Variants in TBXAS1 observed in about 807,000 individuals in gnomAD.
TBXAS1 encodes the protein thromboxane-A synthase.
A neutral mutation model predicts 60.7 loss-of-function variants in TBXAS1; 48 were observed. That is an observed-to-expected ratio of 0.79 (90% confidence interval 0.63 to 1.01). The LOEUF is 1.01. Ranked by LOEUF, TBXAS1 falls within the 50% of genes least tolerant of loss-of-function variation. The pLI is 0.00. For synonymous variants in TBXAS1, 287 were observed against 269.7 expected, an observed-to-expected ratio of 1.06 and a Z score of -0.63; for missense variants, 685 against 686.3, an observed-to-expected ratio of 1.00 and a Z score of 0.02.
In TBXAS1 at chr7:139,852,901, C is replaced by T. The variant is rs1393056419; in HGVS notation, c.90-19334C>T. On this transcript the variant is annotated intron_variant, in intron 1 of 12. Coordinates refer to ENST00000448866, the MANE Select transcript of TBXAS1 (RefSeq NM_001061.7). This position sits in a 1 kb window ranked among gnomAD's most constrained non-coding sequence, Gnocchi z 4.4. Reference sequence around the variant, plus strand: ...ATTCTGAGCACCCACTACCAGTACTCAATGCCCCTGTGTACCAACCTTGGC... The same window carrying T: ...ATTCTGAGCACCCACTACCAGTACTTAATGCCCCTGTGTACCAACCTTGGC... Among the ~76,000 whole-genome samples, 1 of 151,386 alleles carries T rather than the reference C, an allele frequency of 6.6e-6. No individual in the cohort carries two copies. The highest frequency in any genetic ancestry group is 1.5e-5 in the Non-Finnish European group (1 of 67,928).
At chr7:139,967,671 G>C (rs1323358695) in intron 9 of TBXAS1, among the ~76,000 whole-genome samples, 2 of 152,188 alleles carry the variant, frequency 1.3e-5, no homozygotes, top group African/African-American at 4.8e-5. Flanking sequence ...CTTGGAGTTG[G>C]TGTCTAGGTG....
chr7:139,804,440 A>G (rs1297706347), intron 4 of TBXAS1, among the ~76,000 whole-genome samples: 1 of 152,164 alleles, frequency 6.6e-6, no homozygotes, highest in African/African-American at 2.4e-5. Context: ...GATGAAACTT[A>G]GGACTTGGAC....
At chr7:139,820,239 A>G (rs899811165) in intron 4 of TBXAS1, among the ~76,000 whole-genome samples, 4 of 152,128 alleles carry the variant, frequency 2.6e-5, no homozygotes, top group Non-Finnish European at 5.9e-5. Flanking sequence ...ATCAACATGT[A>G]GCCGCATCCA....
chr7:139,881,691 C>T (rs1292784669), intron 3 of TBXAS1, among the ~76,000 whole-genome samples: 1 of 151,980 alleles, frequency 6.6e-6, no homozygotes, highest in African/African-American at 2.4e-5. Context: ...AGTATCAAAG[C>T]CTGAAGCAAT....
intron 5 of TBXAS1, among the ~76,000 whole-genome samples, chr7:139,939,868 G>A (rs1808139613): frequency 6.6e-6 from 1 of 152,200 alleles, no homozygotes; most frequent in Non-Finnish European, 1.5e-5. Flanking sequence ...GGTGTTAAAT[G>A]CTGCTCACAT....
upstream of TBXAS1, among the ~76,000 whole-genome samples, chr7:139,824,513 G>A (rs1443023232): frequency 1.3e-5 from 2 of 152,192 alleles, no homozygotes; most frequent in African/African-American, 2.4e-5. Flanking sequence ...GTTTAGCAGA[G>A]GATAGGCTAA....
intron 4 of TBXAS1, among the ~76,000 whole-genome samples, chr7:139,788,372 T>C (rs1389908740): frequency 2.0e-5 from 3 of 152,272 alleles, no homozygotes; most frequent in Non-Finnish European, 4.4e-5. Flanking sequence ...TTTTATGGTC[T>C]GATTCTTTCT....
chr7:139,930,143 C>T (rs1385317805), intron 4 of TBXAS1, among the ~76,000 whole-genome samples: 1 of 152,176 alleles, frequency 6.6e-6, no homozygotes, highest in Non-Finnish European at 1.5e-5. Flanking sequence ...CCCACCAAAC[C>T]CCCAGCTCCT....
At chr7:139,873,267 G>C (rs1408326636) in intron 2 of TBXAS1, among the ~76,000 whole-genome samples, 1 of 152,290 alleles carries the variant, frequency 6.6e-6, no homozygotes, top group East Asian at 1.9e-4. Context: ...AATGCAGTTG[G>C]GTGAGAGAAA....
intron 9 of TBXAS1, among the ~76,000 whole-genome samples, chr7:139,974,648 C>T (rs547581227): frequency 3.9e-5 from 6 of 152,238 alleles, no homozygotes; most frequent in South Asian, 2.1e-4. Flanking sequence ...CAAGATTAAA[C>T]GAGTTAAGAA....
intron 3 of TBXAS1, among the ~76,000 whole-genome samples, chr7:139,885,312 TA>T (rs1803004129): frequency 6.6e-6 from 1 of 152,220 alleles, no homozygotes; most frequent in East Asian, 1.9e-4. Context: ...TAAAGTTGCA[TA>T]AAAGCTCTAT....
intron 1 of TBXAS1, among the ~76,000 whole-genome samples, chr7:139,851,752 G>A (rs1370046825): frequency 1.3e-5 from 2 of 152,204 alleles, no homozygotes; most frequent in Non-Finnish European, 2.9e-5. Flanking sequence ...TTTGGAAAAG[G>A]ATGTAATTTC....
At chr7:139,991,363 T>A (rs900744419) in intron 9 of TBXAS1, among the ~76,000 whole-genome samples, 1 of 111,114 alleles carries the variant, frequency 9.0e-6, no homozygotes, top group East Asian at 2.5e-4. Context: ...GTGCCCACAC[T>A]TCCCTGTCAC....
chr7:139,830,605 C>T (rs1413687438), intron 1 of TBXAS1, among the ~76,000 whole-genome samples: 1 of 151,442 alleles, frequency 6.6e-6, no homozygotes, highest in Non-Finnish European at 1.5e-5. Context: ...CATGTAAAAC[C>T]AAGAGCAAAT....
At chr7:139,950,371 G>C (rs114270379) in intron 5 of TBXAS1, among the ~76,000 whole-genome samples, 2,537 of 152,144 alleles carry the variant, frequency 0.017, 61 homozygotes, top group African/African-American at 0.058. Flanking sequence ...TACATCTTTT[G>C]CTCCCCCACA....
At chr7:139,806,119 A>G (rs866382114) in intron 4 of TBXAS1, among the ~76,000 whole-genome samples, 18 of 150,652 alleles carry the variant, frequency 1.2e-4, no homozygotes, top group African/African-American at 3.4e-4. Context: ...TTGTATTTTT[A>G]GTAGAGACGG....
At chr7:139,962,307 CTT>C (rs1810437429) in intron 9 of TBXAS1, 74 bp downstream of exon 9, 1 of 1,559,790 alleles carries the variant, frequency 6.4e-7, no homozygotes, top group East Asian at 2.2e-5. Flanking sequence ...GGGAGTGAAA[CTT>C]ATTTTTAATG....
rs748137753 is a variant in TBXAS1 at position 139,984,614 on chromosome 7, A to AAGAGAGAGAG, written c.1134+22401_1134+22410dup. On this transcript the variant is annotated intron_variant, in intron 9 of 12. Transcript: ENST00000448866. Reference sequence around the variant, plus strand: ...ATCAAAAATAAAAAAATAAGAAAGAAAGAGAGAGAGAGAGAGAGAGAGAGA... The same window carrying AAGAGAGAGAG: ...ATCAAAAATAAAAAAATAAGAAAGAAAGAGAGAGAGAGAGAGAGAGAGAGAGAGAGAGAGA... Among the ~76,000 whole-genome samples, 105 of 65,610 alleles carry AAGAGAGAGAG rather than the reference A, an allele frequency of 1.6e-3. 2 individuals are homozygous for AAGAGAGAGAG. The highest frequency in any genetic ancestry group is 4.8e-3 in the African/African-American group (93 of 19,332). 43.0% of individuals were successfully genotyped at this position (65,610 alleles called of 152,430 possible). A position where few individuals can be genotyped will look rare whatever the true frequency, so the allele number is the denominator to read the frequency against.
intron 3 of TBXAS1, among the ~76,000 whole-genome samples, chr7:139,897,904 T>A (rs556015892): frequency 6.6e-6 from 1 of 152,088 alleles, no homozygotes; most frequent in Non-Finnish European, 1.5e-5. Flanking sequence ...GGTAGCTGAG[T>A]CTGCTCTGTC....
Sources: gnomAD v4.1 joint callset for allele counts (sites outside exome capture counted in the v4.1 genomes callset) on GRCh38, gnomAD v4.1.1 for gene constraint, Gnocchi (gnomAD v3.1) non-coding constraint, MANE v1.5 for transcripts, NCBI Gene and HGNC (gene_info 2026-07-23, HGNC 2026-07-21) for gene names.